APMAP: variants seen among roughly 807,000 people sequenced by gnomAD.
The protein encoded by APMAP is adipocyte plasma membrane associated protein.
A neutral mutation model predicts 43.6 loss-of-function variants in APMAP; 33 were observed. That is an observed-to-expected ratio of 0.76 (90% CI 0.57 to 1.01). The LOEUF (loss-of-function observed/expected upper bound fraction) is 1.01. Ranked by LOEUF, APMAP falls within the 50% of genes least tolerant of loss-of-function variation. APMAP has a pLI of 0.00. For missense variants in APMAP, 498 were observed against 540.7 expected (o/e 0.92, Z 0.78); for synonymous variants, 224 against 216.7 (o/e 1.03, Z -0.30).
rs367779402 is a variant in APMAP, at chr20:24,963,996, C to G, written c.1068G>C (p.Lys356Asn). Residue 356 changes from lysine (K) to asparagine (N), a missense_variant, in exon 9 of 9, where the codon AAG becomes AAC. By Grantham distance (94) the Lys-to-Asn change is moderately conservative (BLOSUM62 0). Transcript: ENST00000217456. ...FKLFSQETVMKFVPRYSLVLE... is the reference protein window; with the variant it reads ...FKLFSQETVMNFVPRYSLVLE... ...GGACGAGGCTGTACCGCGGCACAAACTTCATCACCGTCTCTTGACTAAAGA... is the reference window on the plus strand; with the variant it reads ...GGACGAGGCTGTACCGCGGCACAAAGTTCATCACCGTCTCTTGACTAAAGA... 1 of 1,614,122 alleles carries G rather than the reference C, an allele frequency of 6.2e-7. No homozygotes were observed. The highest frequency in any genetic ancestry group is 8.5e-7 in the Non-Finnish European group (1 of 1,180,050).
intron 2 of APMAP, among the ~76,000 whole-genome samples, chr20:24,983,353 C>T (rs1378437606): frequency 6.6e-6 from 1 of 152,206 alleles, no homozygotes; most frequent in Non-Finnish European, 1.5e-5. Context: ...ACTATGTCAA[C>T]ATGGAAGTCA....
chr20:24,970,198 G>C lies in APMAP; in HGVS notation c.712C>G (p.Arg238Gly). ...LLVMEGTDDG[R>G]LLEYDTVTRE... ...GGGAGACCTGGAGCAAGGCCTCACCGCCCGTCATCTGTGCCCTCCATCACC... is the reference window on the plus strand; with the variant it reads ...GGGAGACCTGGAGCAAGGCCTCACCCCCCGTCATCTGTGCCCTCCATCACC... Residue 238 changes from arginine to glycine, a missense_variant and splice_region_variant, in exon 6 of 9, where the codon CGC becomes GGC. Physicochemically the swap from Arg to Gly is moderately radical, Grantham distance 125. Coordinates refer to ENST00000217456, the MANE Select transcript of APMAP (RefSeq NM_020531.3). 1 of 1,614,082 alleles carries C rather than the reference G, an allele frequency of 6.2e-7. No homozygotes were observed. Among genetic ancestry groups the C allele is most frequent in the Non-Finnish European group, 8.5e-7 (1 of 1,179,980 alleles).
intron 4 of APMAP, 24 bp downstream of exon 4, chr20:24,973,621 A>G (rs775215347): frequency 1.3e-6 from 2 of 1,597,120 alleles, no homozygotes; most frequent in African/African-American, 1.3e-5. Flanking sequence ...GAAGAGACAC[A>G]TCGAGGGATT....
At chr20:24,969,790 A>C (rs2087983238) in intron 6 of APMAP, 130 bp from the exon 7 acceptor site, 2 of 1,281,010 alleles carry the variant, frequency 1.6e-6, no homozygotes, top group Middle Eastern at 2.7e-4. Flanking sequence ...GCCCTGCTCA[A>C]ACTTGATTCG....
At chr20:24,988,077 A>G (rs2088163265) in intron 1 of APMAP, among the ~76,000 whole-genome samples, 1 of 152,220 alleles carries the variant, frequency 6.6e-6, no homozygotes, top group South Asian at 2.1e-4. Context: ...TACTGAGTCC[A>G]ACAGGGACTG....
rs114285848 is a variant in APMAP, at chr20:24,978,201, C to T, written c.328+566G>A. 6.6e-3 allele frequency among the ~76,000 whole-genome samples: 998 copies of T among 152,310 alleles called. 9 individuals carry two copies. The highest frequency in any genetic ancestry group is 0.023 in the African/African-American group (967 of 41,570). ...TAAACTTAATTCTCATTTTAACAAACAGAAAATGCCTTGTTCAAGGTTGCT... is the reference window on the plus strand; with the variant it reads ...TAAACTTAATTCTCATTTTAACAAATAGAAAATGCCTTGTTCAAGGTTGCT... On this transcript the variant is annotated intron_variant, in intron 3 of 8. Coordinates refer to ENST00000217456, the MANE Select transcript of APMAP (RefSeq NM_020531.3).
At chr20:24,973,585 C>T (rs957490488) in intron 4 of APMAP, 60 bp downstream of exon 4, 5 of 1,518,318 alleles carry the variant, frequency 3.3e-6, no homozygotes, top group East Asian at 2.3e-5. Context: ...TTCCACACAA[C>T]GATCCAACAT....
At chr20:24,967,088 G>C (rs529568102) in intron 8 of APMAP, among the ~76,000 whole-genome samples, 1 of 152,168 alleles carries the variant, frequency 6.6e-6, no homozygotes, top group African/African-American at 2.4e-5. Flanking sequence ...GAGGTCAGGC[G>C]TTCGAGACCA....
chr20:24,990,645 C>T lies in APMAP; in HGVS notation c.95+1949G>A, dbSNP rs562326169. ...CTTCTGAATTTAGATTCCTTTACTTCGCCCACTATACACAGGCTTTCCTGG... is the reference window on the plus strand; with the variant it reads ...CTTCTGAATTTAGATTCCTTTACTTTGCCCACTATACACAGGCTTTCCTGG... On this transcript the variant is annotated intron_variant, in intron 1 of 8. Transcript: ENST00000217456. Among the ~76,000 whole-genome samples the T allele has an allele frequency of 8.5e-5, 13 of 152,320 alleles. No homozygotes were observed. The East Asian group carries it at 2.1e-3, about 25-fold the overall frequency.
At chr20:24,977,379 G>C (rs1485650777) in intron 3 of APMAP, among the ~76,000 whole-genome samples, 1 of 152,162 alleles carries the variant, frequency 6.6e-6, no homozygotes, top group African/African-American at 2.4e-5. Context: ...ACCTAAAACT[G>C]CTCTTAAAAA....
At chr20:24,969,974 C>G (rs1419912768) in intron 6 of APMAP, among the ~76,000 whole-genome samples, 2 of 152,266 alleles carry the variant, frequency 1.3e-5, no homozygotes, top group Non-Finnish European at 2.9e-5. Context: ...GACTTGCACC[C>G]TCAGACGGAC....
intron 1 of APMAP, among the ~76,000 whole-genome samples, chr20:24,984,566 T>A (rs1287883000): frequency 6.6e-6 from 1 of 152,166 alleles, no homozygotes; most frequent in Admixed American, 6.5e-5. Flanking sequence ...CCAACCTACT[T>A]CTAAGAATTT....
intron 1 of APMAP, among the ~76,000 whole-genome samples, chr20:24,992,058 G>C (rs2088196994): frequency 6.6e-6 from 1 of 152,208 alleles, no homozygotes; most frequent in African/African-American, 2.4e-5. Flanking sequence ...CGCAGCGTGA[G>C]GGGGGCAGGT....
intron 8 of APMAP, among the ~76,000 whole-genome samples, chr20:24,967,970 G>A (rs2087960464): frequency 6.6e-6 from 1 of 152,276 alleles, no homozygotes; most frequent in Non-Finnish European, 1.5e-5. Context: ...GCCCCCAGGA[G>A]GGGTCCAGAC....
chr20:24,980,706 G>A (rs781241828), intron 2 of APMAP, among the ~76,000 whole-genome samples: 9 of 151,260 alleles, frequency 6.0e-5, no homozygotes, highest in South Asian at 2.1e-4. Flanking sequence ...ACTGGGCAGC[G>A]TGGCGTCACC....
At chr20:24,984,328 C>T (rs2088130437) in intron 1 of APMAP, among the ~76,000 whole-genome samples, 1 of 152,066 alleles carries the variant, frequency 6.6e-6, no homozygotes, top group Non-Finnish European at 1.5e-5. Flanking sequence ...CTGATGAACA[C>T]AAAATGTAAT....
intron 4 of APMAP, 71 bp downstream of exon 4, chr20:24,973,574 G>A: frequency 6.9e-7 from 1 of 1,454,978 alleles, no homozygotes; most frequent in South Asian, 1.2e-5. Context: ...GGGAAAAGCA[G>A]TTCCACACAA....
intron 2 of APMAP, among the ~76,000 whole-genome samples, chr20:24,981,804 T>G (rs1279157770): frequency 6.6e-6 from 1 of 152,256 alleles, no homozygotes; most frequent in African/African-American, 2.4e-5. Flanking sequence ...TGATATTTTT[T>G]CAGTGACTAG....
intron 2 of APMAP, among the ~76,000 whole-genome samples, chr20:24,980,448 C>T (rs961056288): frequency 9.9e-5 from 15 of 152,110 alleles, no homozygotes; most frequent in African/African-American, 3.6e-4. Context: ...CACCTCAACA[C>T]GCCGGGCAGC....
Sources: gnomAD v4.1 joint callset for allele counts (sites outside exome capture counted in the v4.1 genomes callset) on GRCh38, gnomAD v4.1.1 for gene constraint, MANE v1.5 for transcripts, NCBI Gene and HGNC (gene_info 2026-07-23, HGNC 2026-07-21) for gene names.